The following NRXN3 variants were observed in gnomAD, a reference collection of about 807,000 sequenced individuals.
The protein encoded by NRXN3 is neurexin III.
A neutral mutation model predicts 137.6 loss-of-function variants in NRXN3; 32 were observed. That is an observed-to-expected ratio of 0.23 (90% CI 0.18 to 0.31). The LOEUF is 0.31. Ranked by LOEUF, NRXN3 falls within the 10% of genes least tolerant of loss-of-function variation. The pLI is 1.00. For missense variants in NRXN3, 1,574 were observed against 2,062.5 expected (o/e 0.76, Z 4.59); for synonymous variants, 798 against 784.5 (o/e 1.02, Z -0.29).
chr14:78,177,529 C>T (rs1346124594), intron 1 of NRXN3, among the ~76,000 whole-genome samples: 1 of 152,104 alleles, frequency 6.6e-6, no homozygotes, highest in East Asian at 1.9e-4. Flanking sequence ...TGTGGGGAGA[C>T]AGTGTCTGTT....
At chr14:78,988,391 G>GCT (rs1252908677) in intron 15 of NRXN3, 57 of 463,866 alleles carry the variant, frequency 1.2e-4, no homozygotes, top group Middle Eastern at 1.3e-3. Context: ...AATAGCGACT[G>GCT]AGAAACAATA....
chr14:79,591,525 G>T (rs2097803266), intron 16 of NRXN3, among the ~76,000 whole-genome samples: 1 of 152,140 alleles, frequency 6.6e-6, no homozygotes, highest in African/African-American at 2.4e-5. Flanking sequence ...CAAAGAAAAA[G>T]TCAAAAAGAA....
chr14:79,153,946 T>C (rs879333303), intron 15 of NRXN3, among the ~76,000 whole-genome samples: 2 of 152,078 alleles, frequency 1.3e-5, no homozygotes, highest in East Asian at 3.9e-4. Context: ...TGACACTCCT[T>C]GCATTGCCTG....
intron 15 of NRXN3, among the ~76,000 whole-genome samples, chr14:79,235,690 A>G (rs2073237542): frequency 6.6e-6 from 1 of 152,182 alleles, no homozygotes; most frequent in Non-Finnish European, 1.5e-5. Flanking sequence ...AAAAGCATAG[A>G]TCAGGAGACA....
intron 16 of NRXN3, among the ~76,000 whole-genome samples, chr14:79,493,744 C>T (rs965689448): frequency 5.3e-5 from 8 of 152,178 alleles, no homozygotes; most frequent in South Asian, 2.1e-4. Context: ...AAAGCCTCTT[C>T]GTACCTTGAA....
Position 78,487,216 on chromosome 14 carries a change from A to G in NRXN3, c.758-157904A>G, listed in dbSNP as rs142720496. Among the ~76,000 whole-genome samples, 12 of 152,130 alleles carry G rather than the reference A, an allele frequency of 7.9e-5. No homozygotes were observed. The East Asian group carries it at 2.1e-3, about 27-fold the overall frequency. Reference sequence around the variant, plus strand: ...TTTTTTTCTGTGTGGAATCTGGTTGATATTTTTGGAGAATAATTTAAATCA... The same window carrying G: ...TTTTTTTCTGTGTGGAATCTGGTTGGTATTTTTGGAGAATAATTTAAATCA... On this transcript the variant is annotated intron_variant, in intron 4 of 20. Coordinates refer to ENST00000335750, the MANE Select transcript of NRXN3 (RefSeq NM_001330195.2).
chr14:79,099,997 C>T (rs2050980005), intron 15 of NRXN3, among the ~76,000 whole-genome samples: 1 of 152,112 alleles, frequency 6.6e-6, no homozygotes, highest in African/African-American at 2.4e-5. Context: ...TTTCTATAGA[C>T]AAAATGTGTT....
intron 2 of NRXN3, among the ~76,000 whole-genome samples, chr14:78,277,054 A>G (rs933785826): frequency 2.0e-5 from 3 of 152,132 alleles, no homozygotes; most frequent in African/African-American, 7.2e-5. Context: ...AGCTTTCTAG[A>G]AGTTTCTTTG....
At chr14:78,551,151 A>C (rs2096684922) in intron 4 of NRXN3, among the ~76,000 whole-genome samples, 1 of 152,220 alleles carries the variant, frequency 6.6e-6, no homozygotes, top group Non-Finnish European at 1.5e-5. Flanking sequence ...TCAGTTAATG[A>C]GGCTCTTATC....
At position 79,145,268 on chromosome 14, in the gene NRXN3, T is replaced by C. The variant is rs146982145; in HGVS notation, c.3262+157127T>C. 5.6e-3 allele frequency among the ~76,000 whole-genome samples: 855 copies of C among 152,298 alleles called. 7 individuals carry two copies. The highest frequency in any genetic ancestry group is 0.019 in the African/African-American group (795 of 41,582). ...CTGAAATTTTACATCTTTTGATCTC[T>C]TTGCAAAATTTCCCTGAGCCACTTA... is the stretch of plus-strand genomic sequence containing the variant. On this transcript the variant is annotated intron_variant, in intron 15 of 20. Coordinates refer to ENST00000335750, the MANE Select transcript of NRXN3 (RefSeq NM_001330195.2).
At chr14:79,467,574 T>G (rs2153614000) in intron 16 of NRXN3, among the ~76,000 whole-genome samples, 172 bp downstream of exon 16, 1 of 152,286 alleles carries the variant, frequency 6.6e-6, no homozygotes, top group South Asian at 2.1e-4. Context: ...GGAAAAAAAC[T>G]TAAAAACTCT....
intron 15 of NRXN3, among the ~76,000 whole-genome samples, chr14:79,003,164 G>A (rs1352395418): frequency 6.6e-6 from 1 of 152,056 alleles, no homozygotes; most frequent in Non-Finnish European, 1.5e-5. Flanking sequence ...TTTTAAGGCA[G>A]CCTCTCCAAG....
intron 15 of NRXN3, among the ~76,000 whole-genome samples, chr14:79,087,800 A>C (rs1376232072): frequency 6.6e-6 from 1 of 152,174 alleles, no homozygotes; most frequent in Non-Finnish European, 1.5e-5. Context: ...ATATCAGGCA[A>C]CCGCTGCCAT....
At chr14:79,569,417 T>A (rs2097576942) in intron 16 of NRXN3, among the ~76,000 whole-genome samples, 1 of 152,146 alleles carries the variant, frequency 6.6e-6, no homozygotes, top group Non-Finnish European at 1.5e-5. Flanking sequence ...CTCCCCTGAT[T>A]TACTGCACCC....
chr14:79,758,520 T>G (rs929038225), intron 19 of NRXN3, among the ~76,000 whole-genome samples: 6 of 152,180 alleles, frequency 3.9e-5, no homozygotes, highest in Non-Finnish European at 7.4e-5. Flanking sequence ...ATGCGGGATC[T>G]GCCCCATGAC....
intron 15 of NRXN3, among the ~76,000 whole-genome samples, chr14:79,051,888 C>T (rs1051237462): frequency 6.6e-6 from 1 of 152,276 alleles, no homozygotes; most frequent in African/African-American, 2.4e-5. Context: ...TTCCATCTCC[C>T]CTGGCTAAGA....
intron 10 of NRXN3, among the ~76,000 whole-genome samples, chr14:78,815,926 A>G (rs1379573425): frequency 1.3e-5 from 2 of 152,206 alleles, no homozygotes; most frequent in Non-Finnish European, 2.9e-5. Context: ...GAATCTTAGC[A>G]GAGATGGAAA....
At chr14:79,291,107 T>A (rs1429545145) in intron 15 of NRXN3, among the ~76,000 whole-genome samples, 1 of 152,224 alleles carries the variant, frequency 6.6e-6, no homozygotes, top group Non-Finnish European at 1.5e-5. Context: ...ATATATCTTT[T>A]TTCATTGAAT....
intron 4 of NRXN3, among the ~76,000 whole-genome samples, chr14:78,471,864 A>C (rs1322273294): frequency 2.0e-5 from 3 of 152,200 alleles, no homozygotes; most frequent in Non-Finnish European, 4.4e-5. Context: ...ACTGAACAGG[A>C]TTTTGGTGAA....
Sources: allele counts gnomAD v4.1 joint callset (sites outside exome capture counted in the v4.1 genomes callset), GRCh38; gene constraint gnomAD v4.1.1; transcripts MANE v1.5; gene names NCBI Gene and HGNC (gene_info 2026-07-23, HGNC 2026-07-21).